SLC38A11: variants seen among roughly 807,000 people sequenced by gnomAD.
SLC38A11 encodes putative sodium-coupled neutral amino acid transporter 11.
Under a neutral mutation model 49.4 loss-of-function variants are expected in SLC38A11, and 51 were observed. The observed-to-expected ratio is 1.03, with a 90% CI of 0.83 to 1.30. The LOEUF (loss-of-function observed/expected upper bound fraction) is 1.30, where lower values mean the gene tolerates loss of function less well. Ranked by LOEUF, SLC38A11 falls within the 50% of genes most tolerant of loss-of-function variation. SLC38A11 has a pLI of 0.00. For synonymous variants in SLC38A11, 203 were observed against 192.9 expected (o/e 1.05, Z -0.43); for missense variants, 574 against 556.2 (o/e 1.03, Z -0.32).
chr2:164,943,415 A>G (rs1687911995), intron 5 of SLC38A11, among the ~76,000 whole-genome samples: 1 of 152,206 alleles, frequency 6.6e-6, no homozygotes, highest in Admixed American at 6.5e-5. Context: ...ATAATTTGTT[A>G]AAAAGAGCAA....
intron 7 of SLC38A11, among the ~76,000 whole-genome samples, chr2:164,925,268 GA>G (rs1311501773): frequency 1.3e-5 from 2 of 152,174 alleles, no homozygotes; most frequent in African/African-American, 2.4e-5. Context: ...GTATAGGTGG[GA>G]GGGGGCAGGA....
intron 5 of SLC38A11, among the ~76,000 whole-genome samples, chr2:164,941,613 G>A (rs995333236): frequency 9.9e-5 from 15 of 152,016 alleles, no homozygotes; most frequent in African/African-American, 3.6e-4. Context: ...GGGCTTCAAA[G>A]GACCATTAGC....
intron 10 of SLC38A11, among the ~76,000 whole-genome samples, chr2:164,911,338 A>T (rs947948484): frequency 4.0e-4 from 61 of 152,144 alleles, no homozygotes; most frequent in African/African-American, 1.5e-3. Flanking sequence ...TGGCTGTCGC[A>T]AAAGGCTGGC....
At chr2:164,915,328 T>C (rs1685705462) in intron 8 of SLC38A11, 55 bp from the exon 9 acceptor site, 8 of 1,502,580 alleles carry the variant, frequency 5.3e-6, no homozygotes, top group Non-Finnish European at 7.2e-6. Context: ...TTTTCTTTTT[T>C]AGTTCTGAAA....
At chr2:164,933,471 A>G (rs1288299073) in intron 7 of SLC38A11, among the ~76,000 whole-genome samples, 1 of 152,096 alleles carries the variant, frequency 6.6e-6, no homozygotes, top group Admixed American at 6.6e-5. Context: ...CAAAAAGTAG[A>G]ATTTATGGCC....
At position 164,898,137 on chromosome 2, in the gene SLC38A11, C is replaced by G. The variant is rs1684427414; in HGVS notation, c.*300G>C. On this transcript the variant is annotated 3_prime_UTR_variant, in exon 12 of 12. Coordinates refer to ENST00000685975, the MANE Select transcript of SLC38A11 (RefSeq NM_001351537.2). ...CCTACTTATTTTGGAGCACAATATA[C>G]TGGTTTGCATATTAAATAAAAGGGG... The G allele has an allele frequency of 6.2e-6, 1 of 161,624 alleles. No homozygotes were observed. The highest frequency in any genetic ancestry group is 1.2e-5 in the Non-Finnish European group (1 of 82,260). The allele number at this position is 161,624 out of a possible 1,614,324, so 10.0% of individuals were successfully genotyped here.
intron 5 of SLC38A11, among the ~76,000 whole-genome samples, chr2:164,940,935 G>T (rs2105503429): frequency 6.6e-6 from 1 of 151,996 alleles, no homozygotes; most frequent in Admixed American, 6.6e-5. Flanking sequence ...CATATTTGTG[G>T]TGAATATAAT....
chr2:164,936,925 A>G (rs771792340), intron 7 of SLC38A11, among the ~76,000 whole-genome samples: 1 of 152,192 alleles, frequency 6.6e-6, no homozygotes, highest in Non-Finnish European at 1.5e-5. Context: ...TTAACACAAA[A>G]TAATTAAGGA....
intron 5 of SLC38A11, among the ~76,000 whole-genome samples, chr2:164,942,425 T>A (rs1237380788): frequency 8.9e-6 from 1 of 112,726 alleles, no homozygotes; most frequent in Non-Finnish European, 1.8e-5. Context: ...AGAGTGAGAC[T>A]CTGTCTCAAA....
chr2:164,929,853 A>G (rs1686868711), intron 7 of SLC38A11, among the ~76,000 whole-genome samples: 1 of 151,566 alleles, frequency 6.6e-6, no homozygotes, highest in Non-Finnish European at 1.5e-5. Flanking sequence ...ATTACAAGTA[A>G]AAGAACTAAA....
intron 7 of SLC38A11, among the ~76,000 whole-genome samples, chr2:164,932,154 A>G (rs971921426): frequency 6.6e-6 from 1 of 152,184 alleles, no homozygotes; most frequent in South Asian, 2.1e-4. Context: ...ATTCATATGA[A>G]AAAAAGCTCA....
rs535989811 is a variant in SLC38A11, at chr2:164,914,953, AG to A, written c.850+158del. Among the ~76,000 whole-genome samples, 674 of 152,126 alleles carry A rather than the reference AG, an allele frequency of 4.4e-3. 4 individuals carry two copies. The highest frequency in any genetic ancestry group is 0.02 in the Middle Eastern group (6 of 294). ...TGAGCAGTTTAAAAAGGTAAAAACTAGGAAACAGACAGCAGGGGGGCAGGAG... is the reference window on the plus strand; with the variant it reads ...TGAGCAGTTTAAAAAGGTAAAAACTAGAAACAGACAGCAGGGGGGCAGGAG... On this transcript the variant is annotated intron_variant, in intron 9 of 11. Coordinates refer to ENST00000685975, the MANE Select transcript of SLC38A11 (RefSeq NM_001351537.2).
chr2:164,910,542 G>A (rs1685329740), intron 10 of SLC38A11, among the ~76,000 whole-genome samples: 1 of 152,108 alleles, frequency 6.6e-6, no homozygotes, highest in South Asian at 2.1e-4. Context: ...AGGGAGAGAA[G>A]TGCTAGTTGT....
chr2:164,939,274 T>C (rs1687582150), intron 6 of SLC38A11, among the ~76,000 whole-genome samples, 176 bp downstream of exon 6: 2 of 152,122 alleles, frequency 1.3e-5, no homozygotes, highest in Non-Finnish European at 2.9e-5. Context: ...TCATCAACTA[T>C]TTAATCATCG....
Position 164,898,241 on chromosome 2 carries a change from T to G in SLC38A11, c.*196A>C. 1.9e-6 allele frequency: 1 copy of G among 519,640 alleles called. No homozygotes were observed. Among genetic ancestry groups the G allele is most frequent in the Admixed American group, 3.4e-5 (1 of 29,060 alleles). The allele number at this position is 519,640 out of a possible 1,614,324, so 32.2% of individuals were successfully genotyped here. On this transcript the variant is annotated 3_prime_UTR_variant, in exon 12 of 12. Transcript: ENST00000685975. Reference sequence around the variant, plus strand: ...TAGTGCAGTCATTAGAACAAAACCCTTATTTTGTTCCAGTTAAAGGTGAAA... The same window carrying G: ...TAGTGCAGTCATTAGAACAAAACCCGTATTTTGTTCCAGTTAAAGGTGAAA...
intron 7 of SLC38A11, among the ~76,000 whole-genome samples, chr2:164,926,556 A>G (rs1156598999): frequency 2.6e-5 from 4 of 151,632 alleles, no homozygotes; most frequent in Non-Finnish European, 5.9e-5. Flanking sequence ...ATAAAGACAC[A>G]TGCACACGTA....
intron 11 of SLC38A11, among the ~76,000 whole-genome samples, chr2:164,902,739 C>A (rs1036849780): frequency 6.6e-6 from 1 of 151,940 alleles, no homozygotes; most frequent in African/African-American, 2.4e-5. Flanking sequence ...CTCTCCATAC[C>A]AGAAATATTA....
In SLC38A11 at chr2:164,898,888, A is replaced by G. The variant is rs1234637177; in HGVS notation, c.1096-158T>C. ...AAGGGAGGAAAAATAGTTCTAAGAA[A>G]GACTTAGAAATAGGCATTACCTTTT... On this transcript the variant is annotated intron_variant, in intron 11 of 11. Coordinates refer to ENST00000685975, the MANE Select transcript of SLC38A11 (RefSeq NM_001351537.2). Among the ~76,000 whole-genome samples, 5 of 152,206 alleles carry G rather than the reference A, an allele frequency of 3.3e-5. No homozygotes were observed. In the East Asian group the frequency reaches 9.6e-4, roughly 29 times the overall value.
Position 164,907,270 on chromosome 2 carries a change from C to CTTTTTTTTTTTTT in SLC38A11, c.1095+1357_1095+1369dup, listed in dbSNP as rs60527900. Reference sequence around the variant, plus strand: ...TCCATTTCCCTCTGTCTTCTTTTCTCTTTTTTTTTTTTTTTTTTTTTGAGA... The same window carrying CTTTTTTTTTTTTT: ...TCCATTTCCCTCTGTCTTCTTTTCTCTTTTTTTTTTTTTTTTTTTTTTTTTTTTTTTTTTGAGA... On this transcript the variant is annotated intron_variant, in intron 11 of 11. Coordinates refer to ENST00000685975, the MANE Select transcript of SLC38A11 (RefSeq NM_001351537.2). Among the ~76,000 whole-genome samples, 9 of 97,910 alleles carry CTTTTTTTTTTTTT rather than the reference C, an allele frequency of 9.2e-5. 1 individual carries two copies. The highest frequency in any genetic ancestry group is 2.6e-4 in the Admixed American group (2 of 7,604). The allele number at this position is 97,910 out of a possible 152,430, so 64.2% of individuals were successfully genotyped here.
Sources: allele counts gnomAD v4.1 joint callset (sites outside exome capture counted in the v4.1 genomes callset), GRCh38; gene constraint gnomAD v4.1.1; transcripts MANE v1.5; gene names NCBI Gene and HGNC (gene_info 2026-07-23, HGNC 2026-07-21).